Variants in CYP7B1 observed in about 807,000 individuals in gnomAD.
CYP7B1 encodes the protein cytochrome P450 family 7 subfamily B member 1, also known as cytochrome P450 7B1.
CYP7B1 carries 29 observed loss-of-function variants against 42.7 expected under a neutral mutation model. That is an observed-to-expected ratio of 0.68 (90% CI 0.51 to 0.93). The LOEUF (loss-of-function observed/expected upper bound fraction) is 0.93, where lower values mean the gene tolerates loss of function less well. Among genes scored for constraint, CYP7B1 ranks in the 40% least tolerant of loss-of-function variants. The probability of loss-of-function intolerance (pLI) is 0.00; values close to 1 mark genes in which losing one functional copy is unlikely to be tolerated. For missense variants in CYP7B1, 655 were observed against 600.5 expected, an observed-to-expected ratio of 1.09 and a Z score of -0.95; for synonymous variants, 235 against 218.2, an observed-to-expected ratio of 1.08 and a Z score of -0.68.
At chr8:64,623,803 T>C (rs1040776686) in intron 2 of CYP7B1, among the ~76,000 whole-genome samples, 2 of 152,196 alleles carry the variant, frequency 1.3e-5, no homozygotes, top group African/African-American at 4.8e-5. Context: ...AGGAAATTTT[T>C]AGAAGAGTAC....
chr8:64,615,561 T>A (rs1177185488), intron 3 of CYP7B1, 130 bp downstream of exon 3: 2 of 902,382 alleles, frequency 2.2e-6, no homozygotes, highest in Non-Finnish European at 3.5e-6. Context: ...TATATCAGAG[T>A]AAAACATTTT....
chr8:64,611,514 A>G (rs1352243886), intron 4 of CYP7B1, among the ~76,000 whole-genome samples: 1 of 152,098 alleles, frequency 6.6e-6, no homozygotes, highest in Non-Finnish European at 1.5e-5. Context: ...TCCCACACCA[A>G]CTACTCACAA....
At chr8:64,632,605 T>C (rs1277640324) in intron 1 of CYP7B1, among the ~76,000 whole-genome samples, 1 of 151,824 alleles carries the variant, frequency 6.6e-6, no homozygotes, top group African/African-American at 2.4e-5. Flanking sequence ...AAACAAAAAA[T>C]CTTAAGGGAT....
rs5891970 is a variant in CYP7B1, at chr8:64,675,131, T to TA, written c.123-50593dup. On this transcript the variant is annotated intron_variant, in intron 1 of 5. Coordinates refer to ENST00000310193, the MANE Select transcript of CYP7B1 (RefSeq NM_004820.5). ...AGGTATACACTTGGCCCTCCTGATA[T>TA]ACCTAGGCTCAGTTACCTACATTCA... 5.9e-5 allele frequency among the ~76,000 whole-genome samples: 9 copies of TA among 152,242 alleles called. No individual in the cohort carries two copies. The East Asian group carries it at 1.4e-3, about 23-fold the overall frequency.
chr8:64,765,663 C>T (rs1279501105), intron 1 of CYP7B1, among the ~76,000 whole-genome samples: 2 of 152,074 alleles, frequency 1.3e-5, no homozygotes, highest in Admixed American at 6.6e-5. Context: ...GGTTACGCAC[C>T]CTGGAAAGGA....
At chr8:64,627,802 G>GA (rs542990243) in intron 1 of CYP7B1, among the ~76,000 whole-genome samples, 67 of 152,188 alleles carry the variant, frequency 4.4e-4, no homozygotes, top group African/African-American at 1.4e-3. Flanking sequence ...ATATTTTCAG[G>GA]AAAAAATATA....
chr8:64,654,256 C>G (rs995486496), intron 1 of CYP7B1, among the ~76,000 whole-genome samples: 3 of 152,182 alleles, frequency 2.0e-5, no homozygotes, highest in African/African-American at 7.2e-5. Context: ...CAACATGATT[C>G]TATATCTAGA....
intron 3 of CYP7B1, 69 bp downstream of exon 3, chr8:64,615,622 G>T: frequency 6.7e-7 from 1 of 1,482,514 alleles, no homozygotes; most frequent in Non-Finnish European, 9.4e-7. Flanking sequence ...TCGCCATTTT[G>T]TCTTTTTATT....
chr8:64,689,743 T>G (rs1212187983), intron 1 of CYP7B1, among the ~76,000 whole-genome samples: 1 of 152,038 alleles, frequency 6.6e-6, no homozygotes, highest in Non-Finnish European at 1.5e-5. Context: ...AATTTTTGTA[T>G]TTTTAGTAGA....
At chr8:64,695,996 G>C (rs1167077170) in intron 1 of CYP7B1, among the ~76,000 whole-genome samples, 10 of 152,146 alleles carry the variant, frequency 6.6e-5, no homozygotes, top group Admixed American at 6.5e-4. Context: ...AAATAGAACA[G>C]TTATAATTCT....
chr8:64,686,895 C>A (rs1410265542), intron 1 of CYP7B1, among the ~76,000 whole-genome samples: 1 of 100,590 alleles, frequency 9.9e-6, no homozygotes, highest in East Asian at 2.3e-4. Flanking sequence ...AAGGGCGGTG[C>A]AAGATGTGCT....
chr8:64,715,370 G>A (rs1038334412), intron 1 of CYP7B1, among the ~76,000 whole-genome samples: 1 of 152,130 alleles, frequency 6.6e-6, no homozygotes, highest in African/African-American at 2.4e-5. Flanking sequence ...AAGGGAAAGG[G>A]ACATAAAAGG....
chr8:64,783,923 A>G (rs78713521), intron 1 of CYP7B1, among the ~76,000 whole-genome samples: 5,909 of 152,298 alleles, frequency 0.039, 381 homozygotes, highest in African/African-American at 0.13. Context: ...TTAATTTTAC[A>G]GAACAATTTT....
rs930218253 is a variant in CYP7B1, at chr8:64,593,939, A to G, written c.*2703T>C. On this transcript the variant is annotated 3_prime_UTR_variant, in exon 6 of 6. Coordinates refer to ENST00000310193, the MANE Select transcript of CYP7B1 (RefSeq NM_004820.5). Reference sequence around the variant, plus strand: ...TGTAATGATTGAACTTAGCAAACTCAGTGGAATGGAAAACCTGAAGGTTAA... The same window carrying G: ...TGTAATGATTGAACTTAGCAAACTCGGTGGAATGGAAAACCTGAAGGTTAA... Among the ~76,000 whole-genome samples, 1 of 152,242 alleles carries G rather than the reference A, an allele frequency of 6.6e-6. No individual in the cohort carries two copies. The highest frequency in any genetic ancestry group is 1.5e-5 in the Non-Finnish European group (1 of 68,038).
At chr8:64,623,024 G>A (rs1302114894) in intron 2 of CYP7B1, among the ~76,000 whole-genome samples, 1 of 152,122 alleles carries the variant, frequency 6.6e-6, no homozygotes, top group Non-Finnish European at 1.5e-5. Flanking sequence ...GGGTAATCTA[G>A]TGTGTAGAGA....
In CYP7B1 at chr8:64,615,046, A is replaced by C. The variant is rs778365454; in HGVS notation, c.1037T>G (p.Leu346Trp). ...ATTACCTAGGCAGATTAGGCTGTCC[A>C]ATTGTTCTCTGGTGAGGTGGATGGG... is the stretch of plus-strand genomic sequence containing the variant. ...GFPIHLTREQ[L>W]DSLICLESSI... is the part of the protein sequence containing the mutation. Residue 346 changes from leucine to tryptophan, a missense_variant, in exon 4 of 6, where the codon TTG becomes TGG. Coordinates refer to ENST00000310193, the MANE Select transcript of CYP7B1 (RefSeq NM_004820.5). The C allele has an allele frequency of 1.2e-6, 2 of 1,613,676 alleles. No individual in the cohort carries two copies. Among genetic ancestry groups the C allele is most frequent in the Non-Finnish European group, 1.7e-6 (2 of 1,179,712 alleles).
intron 1 of CYP7B1, among the ~76,000 whole-genome samples, chr8:64,644,148 C>G (rs1024554636): frequency 6.6e-6 from 1 of 151,952 alleles, no homozygotes; most frequent in Non-Finnish European, 1.5e-5. Flanking sequence ...TGGTGCACAC[C>G]TGTAGTCCCA....
intron 1 of CYP7B1, among the ~76,000 whole-genome samples, chr8:64,790,613 G>A (rs1002746396): frequency 1.3e-5 from 2 of 152,102 alleles, no homozygotes; most frequent in Admixed American, 6.5e-5. Flanking sequence ...TTTCCATAAG[G>A]TCACAATGCC....
chr8:64,690,465 G>A (rs898855844), intron 1 of CYP7B1, among the ~76,000 whole-genome samples: 8 of 152,134 alleles, frequency 5.3e-5, no homozygotes, highest in Admixed American at 5.2e-4. Context: ...TTTGGAGGAA[G>A]GGGTGGATAG....
Sources: gnomAD v4.1 joint callset for allele counts (sites outside exome capture counted in the v4.1 genomes callset) on GRCh38, gnomAD v4.1.1 for gene constraint, MANE v1.5 for transcripts, NCBI Gene and HGNC (gene_info 2026-07-23, HGNC 2026-07-21) for gene names.